The following EGFLAM variants were observed in gnomAD, a reference collection of about 807,000 sequenced individuals.
EGFLAM encodes pikachurin.
Under a neutral mutation model 113.1 loss-of-function variants are expected in EGFLAM, and 79 were observed. The ratio of observed to expected loss-of-function variants is 0.70; its 90% CI spans 0.58 to 0.84. The LOEUF is 0.84. Ranked by LOEUF, EGFLAM falls within the 40% of genes least tolerant of loss-of-function variation. EGFLAM has a pLI of 0.00. For missense variants in EGFLAM, 1,265 were observed against 1,291.6 expected, an observed-to-expected ratio of 0.98 and a Z score of 0.32; for synonymous variants, 504 against 487.6, an observed-to-expected ratio of 1.03 and a Z score of -0.44.
At chr5:38,271,782 G>T (rs1195594861) in intron 1 of EGFLAM, among the ~76,000 whole-genome samples, 1 of 152,124 alleles carries the variant, frequency 6.6e-6, no homozygotes, top group South Asian at 2.1e-4. Context: ...TCTTCTGTTA[G>T]ATTTGTAACT....
At chr5:38,362,585 G>C (rs1246948856) in intron 5 of EGFLAM, among the ~76,000 whole-genome samples, 1 of 152,186 alleles carries the variant, frequency 6.6e-6, no homozygotes, top group Non-Finnish European at 1.5e-5. Context: ...ATTACCATCA[G>C]CAATAGAATT....
intron 21 of EGFLAM, 32 bp downstream of exon 21, chr5:38,463,043 T>C (rs1340446785): frequency 6.3e-7 from 1 of 1,594,884 alleles, no homozygotes. Context: ...AAAGCAAAAT[T>C]AGGCCAGTGC....
intron 6 of EGFLAM, among the ~76,000 whole-genome samples, chr5:38,386,333 A>G (rs549997342): frequency 1.3e-5 from 2 of 152,040 alleles, no homozygotes; most frequent in Admixed American, 1.3e-4. Flanking sequence ...AGCTGGGATT[A>G]CAGGTGCACA....
chr5:38,265,448 C>T (rs920250424), intron 1 of EGFLAM, among the ~76,000 whole-genome samples: 4 of 152,200 alleles, frequency 2.6e-5, no homozygotes, highest in Non-Finnish European at 4.4e-5. Flanking sequence ...TTGAGTTGCT[C>T]AAGGCCCGTG....
intron 6 of EGFLAM, among the ~76,000 whole-genome samples, chr5:38,396,063 T>TTTTTTTTTTTTTTTTTTTTTTTTTG (rs1482050151): frequency 2.0e-5 from 3 of 152,078 alleles, no homozygotes; most frequent in African/African-American, 4.8e-5. Context: ...ACCCACTCTT[T>TTTTTTTTTTTTTTTTTTTTTTTTTG]AAAAGCCTCC....
At chr5:38,362,732 G>A (rs1034172022) in intron 5 of EGFLAM, among the ~76,000 whole-genome samples, 1 of 152,138 alleles carries the variant, frequency 6.6e-6, no homozygotes, top group Non-Finnish European at 1.5e-5. Flanking sequence ...TACTAGACTA[G>A]CACCTGGTCC....
chr5:38,321,598 G>C (rs2111894683), intron 1 of EGFLAM, among the ~76,000 whole-genome samples: 1 of 152,274 alleles, frequency 6.6e-6, no homozygotes, highest in South Asian at 2.1e-4. Flanking sequence ...CAACTCTTTG[G>C]TGCTGCCACT....
intron 1 of EGFLAM, among the ~76,000 whole-genome samples, chr5:38,308,469 C>A (rs1332313685): frequency 2.0e-5 from 3 of 152,236 alleles, no homozygotes; most frequent in Non-Finnish European, 4.4e-5. Flanking sequence ...AATTTTGGAA[C>A]CAGACAGATC....
intron 1 of EGFLAM, among the ~76,000 whole-genome samples, chr5:38,331,804 C>T (rs766567663): frequency 6.6e-6 from 1 of 152,002 alleles, no homozygotes; most frequent in Non-Finnish European, 1.5e-5. Context: ...CTGGAAGTAC[C>T]ACAATTTATT....
rs1741314167 is a variant in EGFLAM, at chr5:38,407,108, A to C, written c.1109A>C (p.Gln370Pro). ...NDYTWGGSRC[Q>P]CTLGKGGESC... is the part of the protein sequence containing the mutation. ...TACACCTGGGGGGGCTCGCGATGCC[A>C]GTGCACCCTGGGCAAAGGTGGTGAG... The change falls in exon 8 of 22, where the codon CAG becomes CCG. Residue 370 changes from glutamine (Q) to proline (P), a missense_variant. Transcript: ENST00000322350. 6.2e-7 allele frequency: 1 copy of C among 1,614,070 alleles called. No individual in the cohort carries two copies. The highest frequency in any genetic ancestry group is 1.3e-5 in the African/African-American group (1 of 75,050).
intron 1 of EGFLAM, among the ~76,000 whole-genome samples, chr5:38,300,375 CT>C (rs34070893): frequency 0.27 from 37,302 of 140,200 alleles, 4,410 homozygotes; most frequent in Admixed American, 0.35. Context: ...ATCTCTCTCT[CT>C]TTTTTTTTTT....
At chr5:38,438,485 C>A (rs771634554) in intron 17 of EGFLAM, 30 bp downstream of exon 17, 2 of 1,535,794 alleles carry the variant, frequency 1.3e-6, no homozygotes, top group Non-Finnish European at 1.8e-6. Context: ...GCACAGCTCC[C>A]TGGAGGGAGT....
chr5:38,458,458 T>G, intron 20 of EGFLAM, 64 bp downstream of exon 20: 1 of 1,529,336 alleles, frequency 6.5e-7, no homozygotes, highest in Non-Finnish European at 9.0e-7. Flanking sequence ...TGGTGTCCAG[T>G]TCCCTTGTAG....
intron 1 of EGFLAM, chr5:38,305,349 T>G (rs1758695393): frequency 3.0e-6 from 1 of 333,360 alleles, no homozygotes; most frequent in African/African-American, 2.2e-5. Context: ...ATTTCTAACC[T>G]AGAATTCCAT....
At chr5:38,352,638 CTCCA>C (rs1021778724) in intron 5 of EGFLAM, among the ~76,000 whole-genome samples, 1 of 149,182 alleles carries the variant, frequency 6.7e-6, no homozygotes, top group African/African-American at 2.5e-5. Flanking sequence ...CAGAGCAAGA[CTCCA>C]TCCCAAAAAA....
chr5:38,347,855 T>C (rs759029695), intron 3 of EGFLAM, among the ~76,000 whole-genome samples: 7 of 152,108 alleles, frequency 4.6e-5, no homozygotes, highest in Admixed American at 1.3e-4. Context: ...GCAGCATTGG[T>C]GGCAGGGGAA....
At chr5:38,381,430 A>G (rs767177046) in intron 6 of EGFLAM, among the ~76,000 whole-genome samples, 1 of 152,208 alleles carries the variant, frequency 6.6e-6, no homozygotes, top group Non-Finnish European at 1.5e-5. Flanking sequence ...GCAACCGAAT[A>G]CGAAACACTT....
intron 6 of EGFLAM, among the ~76,000 whole-genome samples, chr5:38,383,414 C>CT (rs78824068): frequency 0.043 from 5,743 of 134,964 alleles, 296 homozygotes; most frequent in African/African-American, 0.13. Context: ...TTTGTCAGGC[C>CT]TTTTTTTTTT....
intron 1 of EGFLAM, among the ~76,000 whole-genome samples, chr5:38,321,631 T>A (rs933574946): frequency 6.6e-6 from 1 of 152,202 alleles, no homozygotes; most frequent in African/African-American, 2.4e-5. Context: ...TCTTGATCTG[T>A]GGCATCTGTG....
Sources: gnomAD v4.1 joint callset for allele counts (sites outside exome capture counted in the v4.1 genomes callset) on GRCh38, gnomAD v4.1.1 for gene constraint, MANE v1.5 for transcripts, NCBI Gene and HGNC (gene_info 2026-07-23, HGNC 2026-07-21) for gene names.